FN1: variants seen among roughly 807,000 people sequenced by gnomAD.
FN1 encodes the protein fibronectin.
A neutral mutation model predicts 297.3 loss-of-function variants in FN1; 106 were observed. The ratio of observed to expected loss-of-function variants is 0.36; its 90% CI spans 0.30 to 0.42. The LOEUF is 0.42. Among genes scored for constraint, FN1 ranks in the 10% least tolerant of loss-of-function variants. FN1 has a pLI of 1.00. For synonymous variants in FN1, 1,149 were observed against 1,152.6 expected (o/e 1.00, Z 0.06); for missense variants, 2,690 against 3,124.9 (o/e 0.86, Z 3.32).
rs1331059489 is a variant in FN1, at chr2:215,401,471, T to A, written c.3254-2120A>T. On this transcript the variant is annotated intron_variant, in intron 20 of 45. Coordinates refer to ENST00000354785, the MANE Select transcript of FN1 (RefSeq NM_212482.4). ...AGAAGGCCAGATATTTTGAGTTGGG[T>A]AAGTTTAAGTTCAAGGGTATCAAGT... 2.6e-5 allele frequency among the ~76,000 whole-genome samples: 4 copies of A among 152,240 alleles called. No homozygotes were observed. The East Asian group carries it at 7.7e-4, about 29-fold the overall frequency.
chr2:215,420,903 A>C, intron 10 of FN1, 102 bp from the exon 11 acceptor site: 1 of 1,019,048 alleles, frequency 9.8e-7, no homozygotes. Flanking sequence ...CCACTTAATT[A>C]TCAACACCTT....
chr2:215,423,148 T>C lies in FN1; in HGVS notation c.1393+202A>G, dbSNP rs544738960. 4.0e-5 allele frequency among the ~76,000 whole-genome samples: 6 copies of C among 151,792 alleles called. No individual in the cohort carries two copies. The South Asian group carries it at 1.0e-3, about 26-fold the overall frequency. On this transcript the variant is annotated intron_variant, in intron 9 of 45. Coordinates refer to ENST00000354785, the MANE Select transcript of FN1 (RefSeq NM_212482.4). ...AATTATATAAATAATTATCTAATTA[T>C]TCTTCCCAATCCTTATGTATATGAT...
chr2:215,391,686 C>A lies in FN1; in HGVS notation c.4198G>T (p.Glu1400Ter). The A allele has an allele frequency of 1.2e-6, 2 of 1,614,126 alleles. No homozygotes were observed. The highest frequency in any genetic ancestry group is 1.7e-6 in the Non-Finnish European group (2 of 1,179,992). The change falls in exon 26 of 46, where the codon GAA becomes TAA. Residue 1400 changes from glutamate (E) to a stop codon, truncating the protein, a stop_gained. Coordinates refer to ENST00000354785, the MANE Select transcript of FN1 (RefSeq NM_212482.4). LOFTEE classifies it high-confidence loss of function. ...GAAATTGACAACTCTGCAACATCTT[C>A]CTCATTTTTCACAGGTGAGTAACGC... ...LVRYSPVKNE[E>*]DVAELSISPS...
At chr2:215,433,005 T>C (rs2066789734) in intron 3 of FN1, among the ~76,000 whole-genome samples, 1 of 152,144 alleles carries the variant, frequency 6.6e-6, no homozygotes, top group Non-Finnish European at 1.5e-5. Context: ...TGATTTAAAA[T>C]GGGCAACTCC....
At chr2:215,434,320 G>A (rs546230776) in intron 2 of FN1, among the ~76,000 whole-genome samples, 13 of 152,164 alleles carry the variant, frequency 8.5e-5, no homozygotes, top group East Asian at 7.7e-4. Flanking sequence ...ATCATTTTAC[G>A]ATGTAAGTCC....
chr2:215,386,937 A>G lies in FN1; in HGVS notation c.4364T>C (p.Ile1455Thr), dbSNP rs148942343. Reference protein sequence around the residue: ...QKTGLDSPTGIDFSDITANSF... With the variant: ...QKTGLDSPTGTDFSDITANSF... ...GTTGGCAGTAATATCAGAAAAGTCA[A>G]TGCCAGTTGGGGAATCAAGACCTGT... Residue 1455 changes from isoleucine to threonine, a missense_variant, in exon 28 of 46, where the codon ATT becomes ACT. Ile to Thr is a moderately conservative substitution (Grantham distance 89). Around this residue, in one of 3 missense-constraint regions of FN1, gnomAD observed 1,743 missense variants for 1,945.2 expected, o/e 0.90. Transcript: ENST00000354785. 1.6e-5 allele frequency: 25 copies of G among 1,612,582 alleles called. No homozygotes were observed. Among genetic ancestry groups the G allele is most frequent in the Middle Eastern group, 1.7e-4 (1 of 5,956 alleles).
At chr2:215,391,543 T>C (rs2059704496) in intron 26 of FN1, 89 bp downstream of exon 26, 1 of 1,152,346 alleles carries the variant, frequency 8.7e-7, no homozygotes, top group Non-Finnish European at 1.3e-6. Flanking sequence ...GCAGCTCTCT[T>C]GCTCTTAGCT....
rs572703891 is a variant in FN1, at chr2:215,367,983, G to A, written c.6898C>T (p.Pro2300Ser). The A allele has an allele frequency of 1.9e-6, 3 of 1,614,122 alleles. No homozygotes were observed. The highest frequency in any genetic ancestry group is 1.3e-5 in the African/African-American group (1 of 75,026). ...NQPTDDSCFD[P>S]YTVSHYAVGD... The stretch of plus-strand genomic sequence containing the variant: ...ACGGCATAATGGGAAACTGTGTAGG[G>A]GTCAAAGCACGAGTCATCCGTAGGT... Residue 2300 changes from proline to serine, a missense_variant, in exon 42 of 46, where the codon CCC (proline) becomes TCC (serine). Pro to Ser is a moderately conservative substitution (Grantham distance 74). This residue lies in a region of FN1 where 1,743 missense variants were observed against 1,945.2 expected (regional missense o/e 0.90). Coordinates refer to ENST00000354785, the MANE Select transcript of FN1 (RefSeq NM_212482.4).
rs35525385 is a variant in FN1 at position 215,362,286 on chromosome 2, T to C, written c.7252-207A>G. ...TTACCATATCTTATACCTACATCTG[T>C]CTCTCTATGTTGTTTCTTTCTCCTG... On this transcript the variant is annotated intron_variant, in intron 44 of 45. Coordinates refer to ENST00000354785, the MANE Select transcript of FN1 (RefSeq NM_212482.4). 3 of 576,690 alleles carry C rather than the reference T, an allele frequency of 5.2e-6. No homozygotes were observed. In the African/African-American group the frequency reaches 5.6e-5, roughly 11 times the overall value. The allele number at this position is 576,690 out of a possible 1,614,324, so 35.7% of individuals were successfully genotyped here.
Position 215,373,204 on chromosome 2 carries a change from A to AT in FN1, c.6247+117dup, listed in dbSNP as rs1575275467. The stretch of plus-strand genomic sequence containing the variant: ...TACAATATATACACTATGCTGTTAG[A>AT]TAAAAAAAATCACAAGAAATGCATC... On this transcript the variant is annotated intron_variant, in intron 39 of 45. Transcript: ENST00000354785. 3 of 783,474 alleles carry AT rather than the reference A, an allele frequency of 3.8e-6. No homozygotes were observed. In the East Asian group the frequency reaches 8.0e-5, roughly 21 times the overall value. 48.5% of individuals were successfully genotyped at this position (783,474 alleles called of 1,614,324 possible).
At chr2:215,401,492 C>T (rs529585495) in intron 20 of FN1, among the ~76,000 whole-genome samples, 16 of 152,250 alleles carry the variant, frequency 1.1e-4, no homozygotes, top group African/African-American at 3.9e-4. Flanking sequence ...TCAAGGGTAT[C>T]AAGTGTGTTC....
intron 6 of FN1, 97 bp downstream of exon 6, chr2:215,428,083 A>T: frequency 1.4e-6 from 2 of 1,435,812 alleles, no homozygotes; most frequent in Non-Finnish European, 2.0e-6. Context: ...AACACTGCAA[A>T]TTATCCTCAA....
Position 215,383,387 on chromosome 2 carries a change from C to A in FN1, c.4991G>T (p.Arg1664Ile). Reference protein sequence around the residue: ...LPSSSPVTGYRVTTTPKNGPG... With the variant: ...LPSSSPVTGYIVTTTPKNGPG... ...TCCATTTTTGGGAGTGGTGGTTACT[C>A]TGTAACCAGTAACAGGGGAACTTGA... Residue 1664 changes from arginine to isoleucine, a missense_variant, in exon 31 of 46, where the codon AGA becomes ATA. This residue lies in a region of FN1 where 1,743 missense variants were observed against 1,945.2 expected (regional missense o/e 0.90). Transcript: ENST00000354785. 3 of 1,612,662 alleles carry A rather than the reference C, an allele frequency of 1.9e-6. No homozygotes were observed. Among genetic ancestry groups the A allele is most frequent in the Non-Finnish European group, 2.5e-6 (3 of 1,178,634 alleles).
At position 215,372,200 on chromosome 2, in the gene FN1, C is replaced by A; in HGVS notation, c.6423G>T (p.Met2141Ile). ...GCCTAAAACCATGTTCCTCAAAGAT[C>A]ATTTGTTGCCCAACACTGGGTTGCT... ...SGQQPSVGQQ[M>I]IFEEHGFRRT... Residue 2141 changes from methionine (M) to isoleucine (I), a missense_variant, in exon 40 of 46, where the codon ATG becomes ATT. Met to Ile is a conservative substitution (Grantham distance 10). Around this residue, in one of 3 missense-constraint regions of FN1, gnomAD observed 1,743 missense variants for 1,945.2 expected, o/e 0.90. Coordinates refer to ENST00000354785, the MANE Select transcript of FN1 (RefSeq NM_212482.4). The A allele has an allele frequency of 6.2e-7, 1 of 1,614,194 alleles. No homozygotes were observed. Among genetic ancestry groups the A allele is most frequent in the Non-Finnish European group, 8.5e-7 (1 of 1,180,046 alleles).
intron 19 of FN1, among the ~76,000 whole-genome samples, chr2:215,405,113 TAA>T (rs1356027845): frequency 6.6e-6 from 1 of 152,128 alleles, no homozygotes; most frequent in Non-Finnish European, 1.5e-5. Context: ...GCTAGAGAAA[TAA>T]AAGTTATTTT....
At chr2:215,404,697 G>T in intron 19 of FN1, 42 bp from the exon 20 acceptor site, 3 of 1,562,394 alleles carry the variant, frequency 1.9e-6, no homozygotes, top group Middle Eastern at 1.8e-4. Context: ...ATTTAGATCA[G>T]TAATGATCAT....
At chr2:215,426,143 C>CTTTTTTTTTTTTT (rs58002948) in intron 6 of FN1, among the ~76,000 whole-genome samples, 2 of 101,068 alleles carry the variant, frequency 2.0e-5, no homozygotes, top group Non-Finnish European at 2.0e-5. Flanking sequence ...TTTCTTTTTT[C>CTTTTTTTTTTTTT]TTTTTTTTTT....
Position 215,435,923 on chromosome 2 carries a change from A to T in FN1, c.-121T>A. On this transcript the variant is annotated 5_prime_UTR_variant, in exon 1 of 46. Transcript: ENST00000354785. ...CTCCCGGGGGTTGTCGCCTCCAAGA[A>T]GGTGGGGGCCAGAGGGTGGGGAAGG... The T allele has an allele frequency of 1.5e-5, 21 of 1,387,482 alleles. No individual in the cohort carries two copies. Among genetic ancestry groups the T allele is most frequent in the East Asian group, 2.9e-5 (1 of 34,822 alleles). 85.9% of individuals were successfully genotyped at this position (1,387,482 alleles called of 1,614,324 possible). A position where few individuals can be genotyped will look rare whatever the true frequency, so the allele number is the denominator to read the frequency against.
At position 215,401,242 on chromosome 2, in the gene FN1, G is replaced by GAAA. The variant is rs1387205425; in HGVS notation, c.3254-1894_3254-1892dup. On this transcript the variant is annotated intron_variant, in intron 20 of 45. Transcript: ENST00000354785. ...AGAAAGAAAGAAAGAAAGAAAGAAA[G>GAAA]AAAGAAAGGAAGAAAGAAAGGAAGG... Among the ~76,000 whole-genome samples, 142 of 59,690 alleles carry GAAA rather than the reference G, an allele frequency of 2.4e-3. 3 individuals carry two copies. Among genetic ancestry groups the GAAA allele is most frequent in the African/African-American group, 8.1e-3 (131 of 16,202 alleles). The allele number at this position is 59,690 out of a possible 152,430, so 39.2% of individuals were successfully genotyped here.
Sources: allele counts gnomAD v4.1 joint callset (sites outside exome capture counted in the v4.1 genomes callset), GRCh38; gene constraint gnomAD v4.1.1; regional missense constraint gnomAD v4.1.1; transcripts MANE v1.5; gene names NCBI Gene and HGNC (gene_info 2026-07-23, HGNC 2026-07-21).